The following MTFMT variants were observed in gnomAD, a reference collection of about 807,000 sequenced individuals.
The protein encoded by MTFMT is methionyl-tRNA formyltransferase, mitochondrial.
Under a neutral mutation model 51.8 loss-of-function variants are expected in MTFMT, and 47 were observed. The ratio of observed to expected loss-of-function variants is 0.91; its 90% CI spans 0.72 to 1.16. The LOEUF is 1.16. Ranked by LOEUF, MTFMT falls within the 50% of genes most tolerant of loss-of-function variation. MTFMT has a pLI of 0.00. For synonymous variants in MTFMT, 196 were observed against 176.7 expected (o/e 1.11, Z -0.87); for missense variants, 512 against 482.3 (o/e 1.06, Z -0.58).
intron 6 of MTFMT, 43 bp downstream of exon 6, chr15:65,016,393 G>C (rs770753902): frequency 1.6e-6 from 2 of 1,237,136 alleles, no homozygotes; most frequent in South Asian, 2.8e-5. Context: ...TACACACATA[G>C]AAAACCAACT....
intron 2 of MTFMT, chr15:65,026,615 A>G: frequency 1.9e-6 from 1 of 526,852 alleles, no homozygotes; most frequent in Non-Finnish European, 3.4e-6. Context: ...CTTGGGTTTA[A>G]ACAATATAAA....
intron 2 of MTFMT, chr15:65,026,427 T>C (rs983404507): frequency 8.6e-6 from 2 of 232,696 alleles, no homozygotes; most frequent in Admixed American, 4.0e-5. Flanking sequence ...GTCTTGCTTT[T>C]GGTGGTCTAT....
rs2086181452 is a variant in MTFMT, at chr15:65,002,160, A to AG, written c.*901dup. 6.6e-6 allele frequency: 1 copy of AG among 152,102 alleles called. No homozygotes were observed. The highest frequency in any genetic ancestry group is 6.6e-5 in the Admixed American group (1 of 15,264). 9.4% of individuals were successfully genotyped at this position (152,102 alleles called of 1,614,324 possible). On this transcript the variant is annotated 3_prime_UTR_variant, in exon 9 of 9. Transcript: ENST00000220058. ...ACAGCTGTAATCCCAGCACTTTGGG[A>AG]GGCCAAGGCGGGTGGATCACGAGGT...
intron 5 of MTFMT, 105 bp downstream of exon 5, chr15:65,020,092 A>C: frequency 1.9e-6 from 2 of 1,053,924 alleles, no homozygotes; most frequent in East Asian, 5.2e-5. Context: ...GTGGGCACTC[A>C]ATCAAAATTA....
At chr15:65,016,668 A>G in intron 5 of MTFMT, 141 bp from the exon 6 acceptor site, 1 of 400,542 alleles carries the variant, frequency 2.5e-6, no homozygotes. Flanking sequence ...TCCATATATC[A>G]AGTAAAAATA....
Position 65,004,370 on chromosome 15 carries a change from C to G in MTFMT, c.975+484G>C, listed in dbSNP as rs191746144. On this transcript the variant is annotated intron_variant, in intron 8 of 8. Transcript: ENST00000220058. ...ATGAACACCATATGATGCAAAATAC[C>G]TAGGAAATGGAAGGAATGTAGAACA... Among the ~76,000 whole-genome samples, 18 of 152,146 alleles carry G rather than the reference C, an allele frequency of 1.2e-4. No homozygotes were observed. The East Asian group carries it at 3.3e-3, about 28-fold the overall frequency.
At chr15:65,020,165 G>A (rs1387942763) in intron 5 of MTFMT, 32 bp downstream of exon 5, 3 of 1,583,868 alleles carry the variant, frequency 1.9e-6, no homozygotes, top group South Asian at 2.3e-5. Context: ...AGAACCTTTA[G>A]AAAGATGAGA....
Position 65,029,432 on chromosome 15 carries a change from T to G in MTFMT, c.182A>C (p.Glu61Ala). 1 of 1,505,784 alleles carries G rather than the reference T, an allele frequency of 6.6e-7. No individual in the cohort carries two copies. The highest frequency in any genetic ancestry group is 8.9e-7 in the Non-Finnish European group (1 of 1,129,426). The allele number at this position is 1,505,784 out of a possible 1,614,324, so 93.3% of individuals were successfully genotyped here. The change falls in exon 1 of 9, where the codon GAG becomes GCG. Residue 61 changes from glutamate to alanine, a missense_variant. Physicochemically the swap from Glu to Ala is moderately radical, Grantham distance 107. Coordinates refer to ENST00000220058, the MANE Select transcript of MTFMT (RefSeq NM_139242.4). The stretch of plus-strand genomic sequence containing the variant: ...GGCGGCGTGCAGCGCCCGCAGCGCC[T>G]CGCGGGCGAACTGGTCCGTGCCGAA... ...LFFGTDQFAR[E>A]ALRALHAARE...
chr15:65,007,324 T>C (rs1191441634), intron 6 of MTFMT, among the ~76,000 whole-genome samples: 1 of 152,232 alleles, frequency 6.6e-6, no homozygotes, highest in Non-Finnish European at 1.5e-5. Context: ...CAAAAAGTCC[T>C]GCATCAATAC....
chr15:65,029,282 G>T, intron 1 of MTFMT, 123 bp downstream of exon 1: 1 of 1,320,620 alleles, frequency 7.6e-7, no homozygotes, highest in Non-Finnish European at 9.6e-7. Flanking sequence ...CCGAGATCTG[G>T]GCCCACACCG....
chr15:65,004,739 C>A, intron 8 of MTFMT, 115 bp downstream of exon 8: 1 of 568,646 alleles, frequency 1.8e-6, no homozygotes, highest in East Asian at 3.1e-5. Context: ...TAAATGATCT[C>A]CTGACCCAAT....
intron 5 of MTFMT, among the ~76,000 whole-genome samples, chr15:65,018,429 T>C (rs1476841594): frequency 6.6e-6 from 1 of 152,156 alleles, no homozygotes; most frequent in East Asian, 1.9e-4. Flanking sequence ...AAAAAGATAG[T>C]GTGAGAAAAT....
At chr15:65,019,291 A>G (rs1470097204) in intron 5 of MTFMT, among the ~76,000 whole-genome samples, 6 of 152,262 alleles carry the variant, frequency 3.9e-5, no homozygotes, top group African/African-American at 1.4e-4. Context: ...TGTAGGGGAC[A>G]AAAGTGAGAC....
intron 7 of MTFMT, 61 bp from the exon 8 acceptor site, chr15:65,004,997 T>G: frequency 8.5e-7 from 1 of 1,183,304 alleles, no homozygotes; most frequent in African/African-American, 1.5e-5. Flanking sequence ...AACTTCATAG[T>G]ACTTCTTAAA....
At position 65,026,721 on chromosome 15, in the gene MTFMT, A is replaced by T; in HGVS notation, c.419+110T>A. 3.3e-6 allele frequency: 3 copies of T among 906,452 alleles called. No individual in the cohort carries two copies. The East Asian group carries it at 7.9e-5, about 24-fold the overall frequency. The allele number at this position is 906,452 out of a possible 1,614,324, so 56.2% of individuals were successfully genotyped here. ...GAAAAATAAAATGGTAAAAATAAAA[A>T]AAGAAAATATTACAGAAAGCATAGA... On this transcript the variant is annotated intron_variant, in intron 2 of 8. Transcript: ENST00000220058.
chr15:65,019,475 GA>G (rs2086352427), intron 5 of MTFMT, among the ~76,000 whole-genome samples: 1 of 151,018 alleles, frequency 6.6e-6, no homozygotes, highest in Non-Finnish European at 1.5e-5. Flanking sequence ...AAATGTCACT[GA>G]AACACACTCT....
chr15:65,015,184 C>T (rs576940149), intron 6 of MTFMT, among the ~76,000 whole-genome samples: 1 of 152,198 alleles, frequency 6.6e-6, no homozygotes, highest in African/African-American at 2.4e-5. Context: ...AAATAACTTT[C>T]CTGAGTCTAC....
chr15:65,009,813 C>G (rs2086248868), intron 6 of MTFMT, among the ~76,000 whole-genome samples: 1 of 152,040 alleles, frequency 6.6e-6, no homozygotes, highest in African/African-American at 2.4e-5. Flanking sequence ...CCCACAATAC[C>G]TAGCTAATTT....
chr15:65,010,740 T>A (rs2086257505), intron 6 of MTFMT, among the ~76,000 whole-genome samples: 2 of 152,232 alleles, frequency 1.3e-5, no homozygotes, highest in Non-Finnish European at 1.5e-5. Flanking sequence ...AAATGCTGGG[T>A]CATAAGATAC....
Sources: allele counts gnomAD v4.1 joint callset (sites outside exome capture counted in the v4.1 genomes callset), GRCh38; gene constraint gnomAD v4.1.1; transcripts MANE v1.5; gene names NCBI Gene and HGNC (gene_info 2026-07-23, HGNC 2026-07-21).